AP1S3: variants seen among roughly 807,000 people sequenced by gnomAD.
The protein encoded by AP1S3 is AP-1 complex subunit sigma-3.
In AP1S3, 10 loss-of-function variants were observed where a neutral mutation model predicts 20.9. The ratio of observed to expected loss-of-function variants is 0.48; its 90% confidence interval spans 0.29 to 0.81. The LOEUF is 0.81. AP1S3 is among the 30% of genes least tolerant of loss of function. The probability of loss-of-function intolerance (pLI) is 0.08; values close to 1 mark genes in which losing one functional copy is unlikely to be tolerated. For synonymous variants in AP1S3, 41 were observed against 61.5 expected, an observed-to-expected ratio of 0.67 and a Z score of 1.56; for missense variants, 154 against 183.8, an observed-to-expected ratio of 0.84 and a Z score of 0.94.
chr2:223,826,118 C>T (rs2106129902), intron 1 of AP1S3, among the ~76,000 whole-genome samples: 1 of 152,322 alleles, frequency 6.6e-6, no homozygotes, highest in African/African-American at 2.4e-5. Flanking sequence ...AATATATCCA[C>T]AACACCTGTC....
chr2:223,807,399 C>T (rs1344907349), intron 1 of AP1S3, among the ~76,000 whole-genome samples: 1 of 152,160 alleles, frequency 6.6e-6, no homozygotes, highest in African/African-American at 2.4e-5. Context: ...TCAACACACT[C>T]CACTCAATAA....
At chr2:223,789,689 A>C (rs2106101864) in intron 1 of AP1S3, among the ~76,000 whole-genome samples, 2 of 151,240 alleles carry the variant, frequency 1.3e-5, no homozygotes, top group African/African-American at 4.8e-5. Context: ...AAAAAAAAAA[A>C]AAGCCAGGCG....
At position 223,757,261 on chromosome 2, in the gene AP1S3, C is replaced by T. The variant is rs1690245064; in HGVS notation, c.*1454G>A. Reference sequence around the variant, plus strand: ...TTCTGCCTCCCAGGTTCAAGCGATTCTCCTGCCTCAGCCTCCCAAGTAGCT... The same window carrying T: ...TTCTGCCTCCCAGGTTCAAGCGATTTTCCTGCCTCAGCCTCCCAAGTAGCT... On this transcript the variant is annotated 3_prime_UTR_variant, in exon 5 of 5. Transcript: ENST00000396654. 6.4e-6 allele frequency: 1 copy of T among 155,808 alleles called. No individual in the cohort carries two copies. The highest frequency in any genetic ancestry group is 2.4e-5 in the African/African-American group (1 of 41,546). 9.7% of individuals were successfully genotyped at this position (155,808 alleles called of 1,614,324 possible).
intron 4 of AP1S3, among the ~76,000 whole-genome samples, chr2:223,759,470 T>A (rs887242971): frequency 6.6e-6 from 1 of 152,214 alleles, no homozygotes; most frequent in Non-Finnish European, 1.5e-5. Context: ...GTGCAGAGCA[T>A]CTTTATTATA....
intron 3 of AP1S3, among the ~76,000 whole-genome samples, chr2:223,768,981 C>T (rs1297799891): frequency 6.6e-6 from 1 of 152,114 alleles, no homozygotes. Context: ...AATATTTTAG[C>T]AAATTCCTCC....
intron 1 of AP1S3, among the ~76,000 whole-genome samples, chr2:223,798,415 A>G (rs1691394115): frequency 6.6e-6 from 1 of 152,254 alleles, no homozygotes; most frequent in African/African-American, 2.4e-5. Flanking sequence ...GATAAGAGGA[A>G]CAACAATAAG....
chr2:223,757,899 C>G lies in AP1S3; in HGVS notation c.*816G>C. On this transcript the variant is annotated 3_prime_UTR_variant, in exon 5 of 5. Coordinates refer to ENST00000396654, the MANE Select transcript of AP1S3 (RefSeq NM_001039569.2). Reference sequence around the variant, plus strand: ...GAACGTGAATTTTAAAAAATAGTAGCAATAATTATTATTGCTATTAATTCT... The same window carrying G: ...GAACGTGAATTTTAAAAAATAGTAGGAATAATTATTATTGCTATTAATTCT... 1 of 979,802 alleles carries G rather than the reference C, an allele frequency of 1.0e-6. No homozygotes were observed. The highest frequency in any genetic ancestry group is 1.2e-6 in the Non-Finnish European group (1 of 824,992). The allele number at this position is 979,802 out of a possible 1,614,324, so 60.7% of individuals were successfully genotyped here. A position where few individuals can be genotyped will look rare whatever the true frequency, so the allele number is the denominator to read the frequency against.
At chr2:223,816,065 A>G (rs1691836184) in intron 1 of AP1S3, among the ~76,000 whole-genome samples, 1 of 152,198 alleles carries the variant, frequency 6.6e-6, no homozygotes, top group Non-Finnish European at 1.5e-5. Context: ...AGCCGTGATC[A>G]TGCCACTGCG....
At chr2:223,801,293 G>A (rs1210452338) in intron 1 of AP1S3, among the ~76,000 whole-genome samples, 1 of 152,114 alleles carries the variant, frequency 6.6e-6, no homozygotes, top group Non-Finnish European at 1.5e-5. Context: ...GAGCTAGAAG[G>A]TTTCAGAGCT....
intron 1 of AP1S3, among the ~76,000 whole-genome samples, chr2:223,795,852 G>A (rs1691325017): frequency 6.6e-6 from 1 of 152,000 alleles, no homozygotes; most frequent in African/African-American, 2.4e-5. Context: ...CAAAGAATGA[G>A]CATTCAGTAA....
intron 1 of AP1S3, among the ~76,000 whole-genome samples, chr2:223,832,803 T>C (rs1473393863): frequency 4.0e-5 from 5 of 124,598 alleles, no homozygotes; most frequent in African/African-American, 1.5e-4. Flanking sequence ...TTTTTTTCTT[T>C]TTTCTTTTTT....
intron 2 of AP1S3, 74 bp from the exon 3 acceptor site, chr2:223,776,083 A>G (rs1222515323): frequency 8.8e-7 from 1 of 1,134,524 alleles, no homozygotes; most frequent in Non-Finnish European, 1.3e-6. Context: ...TCCCACGAAT[A>G]TGCAGTCACC....
rs184673150 is a variant in AP1S3, at chr2:223,809,566, C to T, written c.3+27882G>A. 6.9e-3 allele frequency among the ~76,000 whole-genome samples: 1,052 copies of T among 151,510 alleles called. 16 individuals carry two copies. Among genetic ancestry groups the T allele is most frequent in the African/African-American group, 0.025 (1,017 of 41,360 alleles). Reference sequence around the variant, plus strand: ...AGGCTGAGGCAGAGAATTGCTTGAACCCGGGAAGTGGAGGTTGCAGTGAGT... The same window carrying T: ...AGGCTGAGGCAGAGAATTGCTTGAATCCGGGAAGTGGAGGTTGCAGTGAGT... On this transcript the variant is annotated intron_variant, in intron 1 of 4. Transcript: ENST00000396654.
chr2:223,801,385 C>G (rs1261069903), intron 1 of AP1S3, among the ~76,000 whole-genome samples: 3 of 152,234 alleles, frequency 2.0e-5, no homozygotes, highest in Admixed American at 2.0e-4. Flanking sequence ...TATACGCTGG[C>G]ACCAGTTAGA....
Position 223,770,440 on chromosome 2 carries a change from G to A in AP1S3, c.292-5090C>T, listed in dbSNP as rs1380335303. On this transcript the variant is annotated intron_variant, in intron 3 of 4. Coordinates refer to ENST00000396654, the MANE Select transcript of AP1S3 (RefSeq NM_001039569.2). The stretch of plus-strand genomic sequence containing the variant: ...GCAGCCATGGGGCAATTAATTTACT[G>A]TACTAGTTTCAAGGGATAAGGGTAA... 34 of 1,445,072 alleles carry A rather than the reference G, an allele frequency of 2.4e-5. No homozygotes were observed. The South Asian group carries it at 3.3e-4, about 14-fold the overall frequency. The allele number at this position is 1,445,072 out of a possible 1,614,324, so 89.5% of individuals were successfully genotyped here.
At chr2:223,805,594 T>C (rs1691561524) in intron 1 of AP1S3, among the ~76,000 whole-genome samples, 1 of 152,220 alleles carries the variant, frequency 6.6e-6, no homozygotes, top group Non-Finnish European at 1.5e-5. Flanking sequence ...AGGTACTTTA[T>C]ATATTTATCC....
intron 1 of AP1S3, among the ~76,000 whole-genome samples, chr2:223,784,643 A>G (rs1202529748): frequency 1.3e-5 from 2 of 152,168 alleles, no homozygotes; most frequent in African/African-American, 2.4e-5. Flanking sequence ...AAAGTGACTC[A>G]GCAGTAAGTG....
chr2:223,806,745 G>A (rs997423029), intron 1 of AP1S3, among the ~76,000 whole-genome samples: 9 of 152,072 alleles, frequency 5.9e-5, no homozygotes, highest in Non-Finnish European at 1.2e-4. Context: ...GTGTGAGAAA[G>A]TGAGATCATA....
Position 223,756,333 on chromosome 2 carries a change from G to T in AP1S3, c.*2382C>A. The T allele has an allele frequency of 4.0e-6, 1 of 250,180 alleles. No individual in the cohort carries two copies. Among genetic ancestry groups the T allele is most frequent in the Non-Finnish European group, 5.9e-6 (1 of 168,266 alleles). 15.5% of individuals were successfully genotyped at this position (250,180 alleles called of 1,614,324 possible). A position where few individuals can be genotyped will look rare whatever the true frequency, so the allele number is the denominator to read the frequency against. On this transcript the variant is annotated 3_prime_UTR_variant, in exon 5 of 5. Coordinates refer to ENST00000396654, the MANE Select transcript of AP1S3 (RefSeq NM_001039569.2). ...GCCTGGGTGACAAGAAGCGAGGAAA[G>T]AAAAGAAAGAAAAGAAAAGAAAAGA...
Sources: gnomAD v4.1 joint callset for allele counts (sites outside exome capture counted in the v4.1 genomes callset) on GRCh38, gnomAD v4.1.1 for gene constraint, MANE v1.5 for transcripts, NCBI Gene and HGNC (gene_info 2026-07-23, HGNC 2026-07-21) for gene names.